Variants in SLCO5A1 observed in about 807,000 individuals in gnomAD.
The protein encoded by SLCO5A1 is organic anion transporter polypeptide-related protein 4.
SLCO5A1 carries 39 observed loss-of-function variants against 65.1 expected under a neutral mutation model. The observed-to-expected ratio is 0.60, with a 90% confidence interval of 0.46 to 0.78. The LOEUF is 0.78. SLCO5A1 is among the 30% of genes least tolerant of loss of function. The probability of loss-of-function intolerance (pLI) is 0.00; values close to 1 mark genes in which losing one functional copy is unlikely to be tolerated. For missense variants in SLCO5A1, 1,029 were observed against 1,069.4 expected (o/e 0.96, Z 0.53); for synonymous variants, 438 against 415.7 (o/e 1.05, Z -0.65).
intron 8 of SLCO5A1, 44 bp from the exon 9 acceptor site, chr8:69,676,717 C>T (rs747290988): frequency 6.4e-7 from 1 of 1,551,764 alleles, no homozygotes; most frequent in South Asian, 1.1e-5. Context: ...AATAGTAGCC[C>T]CAAGAAAATG....
intron 6 of SLCO5A1, among the ~76,000 whole-genome samples, chr8:69,698,599 A>C (rs1814594644): frequency 6.6e-6 from 1 of 152,154 alleles, no homozygotes; most frequent in Admixed American, 6.5e-5. Context: ...GCATTTCTCT[A>C]ATGACTAGTG....
At chr8:69,722,090 T>C (rs996875665) in intron 5 of SLCO5A1, among the ~76,000 whole-genome samples, 1 of 152,146 alleles carries the variant, frequency 6.6e-6, no homozygotes, top group African/African-American at 2.4e-5. Context: ...GAGAATCGCC[T>C]GAGACCAGGA....
At chr8:69,720,335 C>A (rs544182167) in intron 5 of SLCO5A1, among the ~76,000 whole-genome samples, 1 of 152,188 alleles carries the variant, frequency 6.6e-6, no homozygotes, top group Non-Finnish European at 1.5e-5. Context: ...TCTTTAATGG[C>A]GTGATGGTTC....
chr8:69,821,320 C>G (rs1428465014), intron 2 of SLCO5A1, among the ~76,000 whole-genome samples: 12 of 152,020 alleles, frequency 7.9e-5, no homozygotes, highest in Admixed American at 7.2e-4. Flanking sequence ...GATCAGCCCA[C>G]TGTACTCCAG....
rs1821234080 is a variant in SLCO5A1, at chr8:69,832,838, G to T, written c.-165C>A. The T allele has an allele frequency of 1.4e-6, 1 of 739,018 alleles. No homozygotes were observed. Among genetic ancestry groups the T allele is most frequent in the East Asian group, 2.7e-5 (1 of 36,408 alleles). The allele number at this position is 739,018 out of a possible 1,614,324, so 45.8% of individuals were successfully genotyped here. On this transcript the variant is annotated 5_prime_UTR_variant, in exon 2 of 10. Transcript: ENST00000260126. The surrounding 1 kb of genome is among the most constrained non-coding windows in gnomAD (Gnocchi z 4.5). ...AGGGCATCCTCACCAGCTGCGAGGCGCCCAGTGCATCCTGATCACAGACAC... is the reference window on the plus strand; with the variant it reads ...AGGGCATCCTCACCAGCTGCGAGGCTCCCAGTGCATCCTGATCACAGACAC...
intron 5 of SLCO5A1, among the ~76,000 whole-genome samples, chr8:69,715,990 C>T (rs192120842): frequency 1.3e-5 from 2 of 152,284 alleles, no homozygotes; most frequent in East Asian, 1.9e-4. Context: ...CTCCCTTGCC[C>T]CGCACTGCTC....
chr8:69,811,956 G>A (rs924598462), intron 2 of SLCO5A1, among the ~76,000 whole-genome samples: 7 of 152,186 alleles, frequency 4.6e-5, no homozygotes, highest in African/African-American at 1.4e-4. Flanking sequence ...CAACTACTTC[G>A]AGTATGCTAG....
At chr8:69,699,206 G>A (rs1814620296) in intron 6 of SLCO5A1, among the ~76,000 whole-genome samples, 1 of 152,110 alleles carries the variant, frequency 6.6e-6, no homozygotes, top group African/African-American at 2.4e-5. Flanking sequence ...CTGTTTTCTG[G>A]AGAAAATGCA....
intron 5 of SLCO5A1, among the ~76,000 whole-genome samples, chr8:69,724,076 T>A (rs1326955360): frequency 6.6e-6 from 1 of 152,228 alleles, no homozygotes; most frequent in Non-Finnish European, 1.5e-5. Flanking sequence ...CCGGGCCTAG[T>A]ATGCTTTTTA....
At chr8:69,792,938 CGTTT>C (rs776364498) in intron 2 of SLCO5A1, among the ~76,000 whole-genome samples, 25 of 150,808 alleles carry the variant, frequency 1.7e-4, no homozygotes, top group East Asian at 3.9e-4. Context: ...GGTTTTTTTT[CGTTT>C]GTTTGTTTTT....
intron 1 of SLCO5A1, chr8:69,833,773 T>C (rs759717752): frequency 6.6e-6 from 1 of 152,170 alleles, no homozygotes; most frequent in Non-Finnish European, 1.5e-5. Flanking sequence ...AAGGTCAACA[T>C]GCTTGCCTCT....
At chr8:69,695,420 C>A (rs1175293967) in intron 6 of SLCO5A1, among the ~76,000 whole-genome samples, 1 of 152,026 alleles carries the variant, frequency 6.6e-6, no homozygotes, top group African/African-American at 2.4e-5. Context: ...TGCTTGAACC[C>A]AGGGGGCGGA....
At chr8:69,713,400 G>GA (rs1392627900) in intron 5 of SLCO5A1, 1 of 152,206 alleles carries the variant, frequency 6.6e-6, no homozygotes, top group African/African-American at 2.4e-5. Flanking sequence ...AAAGCAGAAT[G>GA]AGTACCTAGA....
chr8:69,781,458 T>C (rs1165191426), intron 2 of SLCO5A1, among the ~76,000 whole-genome samples: 1 of 152,232 alleles, frequency 6.6e-6, no homozygotes, highest in African/African-American at 2.4e-5. Context: ...GTAAAGTTTA[T>C]TCTTGAATTC....
Position 69,670,861 on chromosome 8 carries a change from C to G in SLCO5A1, c.*2008G>C, listed in dbSNP as rs556148781. 6.6e-6 allele frequency: 1 copy of G among 152,360 alleles called. No homozygotes were observed. Among genetic ancestry groups the G allele is most frequent in the East Asian group, 1.9e-4 (1 of 5,190 alleles). The allele number at this position is 152,360 out of a possible 1,614,324, so 9.4% of individuals were successfully genotyped here. On this transcript the variant is annotated 3_prime_UTR_variant, in exon 10 of 10. Transcript: ENST00000260126. ...CCAATCTACATATCTTTAACTCCCACACCAAAGGAAAATTTCTCCTTTAAA... is the reference window on the plus strand; with the variant it reads ...CCAATCTACATATCTTTAACTCCCAGACCAAAGGAAAATTTCTCCTTTAAA...
At chr8:69,699,765 C>T (rs370890478) in intron 6 of SLCO5A1, among the ~76,000 whole-genome samples, 73 of 152,260 alleles carry the variant, frequency 4.8e-4, no homozygotes, top group African/African-American at 1.7e-3. Flanking sequence ...ATATTCCACT[C>T]ATAAAGCAAG....
chr8:69,691,972 G>A lies in SLCO5A1; in HGVS notation c.1623-9629C>T, dbSNP rs139822681. On this transcript the variant is annotated intron_variant, in intron 6 of 9. Coordinates refer to ENST00000260126, the MANE Select transcript of SLCO5A1 (RefSeq NM_030958.3). ...ACAATAAAAATAAAGTATAAGGCCGGACGCGGTGGCTCACGCCTGTAATCC... is the reference window on the plus strand; with the variant it reads ...ACAATAAAAATAAAGTATAAGGCCGAACGCGGTGGCTCACGCCTGTAATCC... Among the ~76,000 whole-genome samples, 766 of 152,324 alleles carry A rather than the reference G, an allele frequency of 5.0e-3. 7 individuals carry two copies. Among genetic ancestry groups the A allele is most frequent in the African/African-American group, 0.018 (732 of 41,574 alleles).
At chr8:69,789,911 G>A (rs1218734833) in intron 2 of SLCO5A1, among the ~76,000 whole-genome samples, 6 of 151,984 alleles carry the variant, frequency 3.9e-5, no homozygotes, top group Admixed American at 6.6e-5. Context: ...AGGGTAATTG[G>A]GCCGGGCACG....
chr8:69,676,284 G>A (rs1403787274), intron 9 of SLCO5A1, among the ~76,000 whole-genome samples: 1 of 152,130 alleles, frequency 6.6e-6, no homozygotes, highest in African/African-American at 2.4e-5. Context: ...GCATAAAGGG[G>A]TCAAAATGCT....
Sources: gnomAD v4.1 joint callset for allele counts (sites outside exome capture counted in the v4.1 genomes callset) on GRCh38, gnomAD v4.1.1 for gene constraint, Gnocchi (gnomAD v3.1) non-coding constraint, MANE v1.5 for transcripts, NCBI Gene and HGNC (gene_info 2026-07-23, HGNC 2026-07-21) for gene names.